The following RGS10 variants were observed in gnomAD, a reference collection of about 807,000 sequenced individuals.
RGS10 encodes regulator of G protein signaling 10.
RGS10 carries 11 observed loss-of-function variants against 23.5 expected under a neutral mutation model. The observed-to-expected ratio is 0.47, with a 90% CI of 0.29 to 0.77. RGS10 has a LOEUF of 0.77. Ranked by LOEUF, RGS10 falls within the 30% of genes least tolerant of loss-of-function variation. RGS10 has a pLI of 0.08. For missense variants in RGS10, 180 were observed against 226.3 expected, an observed-to-expected ratio of 0.80 and a Z score of 1.31; for synonymous variants, 77 against 83.2, an observed-to-expected ratio of 0.92 and a Z score of 0.41.
intron 3 of RGS10, among the ~76,000 whole-genome samples, chr10:119,522,299 A>G (rs2133954313): frequency 6.6e-6 from 1 of 152,238 alleles, no homozygotes; most frequent in East Asian, 1.9e-4. Flanking sequence ...CGAGAGTGGG[A>G]TTTGTATCGA....
At chr10:119,500,607 C>T (rs1843941617) in intron 4 of RGS10, among the ~76,000 whole-genome samples, 1 of 151,600 alleles carries the variant, frequency 6.6e-6, no homozygotes, top group South Asian at 2.1e-4. Context: ...TGTATTTCTC[C>T]AAGAGCTTGA....
chr10:119,509,415 C>T (rs1391941520), intron 4 of RGS10, among the ~76,000 whole-genome samples: 2 of 151,652 alleles, frequency 1.3e-5, no homozygotes, highest in African/African-American at 4.8e-5. Flanking sequence ...ATAGTGAGAC[C>T]CCATCTTTAC....
chr10:119,522,374 T>A (rs1023384293), intron 3 of RGS10, among the ~76,000 whole-genome samples: 1 of 152,154 alleles, frequency 6.6e-6, no homozygotes, highest in Non-Finnish European at 1.5e-5. Context: ...CTGGAACAGA[T>A]GTGATAAGTT....
At position 119,524,045 on chromosome 10, in the gene RGS10, T is replaced by G. The variant is rs959805831; in HGVS notation, c.255+1987A>C. Among the ~76,000 whole-genome samples, 4 of 152,088 alleles carry G rather than the reference T, an allele frequency of 2.6e-5. No individual in the cohort carries two copies. The highest frequency in any genetic ancestry group is 9.7e-5 in the African/African-American group (4 of 41,402). On this transcript the variant is annotated intron_variant, in intron 3 of 4. Coordinates refer to ENST00000369103, the MANE Select transcript of RGS10 (RefSeq NM_001005339.2). This position sits in a 1 kb window ranked among gnomAD's most constrained non-coding sequence, Gnocchi z 5.2. ...CCTGCTCCCGGGAACCCCCTCCCAA[T>G]CTCAATGCCAAGTCTCAGCTAAAAA...
intron 1 of RGS10, among the ~76,000 whole-genome samples, chr10:119,540,389 T>G (rs554340971): frequency 6.6e-6 from 1 of 152,314 alleles, no homozygotes; most frequent in Non-Finnish European, 1.5e-5. Context: ...GAGCTGGGAC[T>G]ACAGGCACGC....
At chr10:119,513,943 CACTT>C (rs1377122153) in intron 4 of RGS10, among the ~76,000 whole-genome samples, 3 of 152,186 alleles carry the variant, frequency 2.0e-5, no homozygotes, top group African/African-American at 7.2e-5. Context: ...CTAAAAAAAA[CACTT>C]AATCTCTCTG....
At position 119,526,080 on chromosome 10, in the gene RGS10, C is replaced by T. The variant is rs758553645; in HGVS notation, c.207G>A (p.Leu69=). The T allele has an allele frequency of 2.3e-5, 37 of 1,581,234 alleles. No individual in the cohort carries two copies. The highest frequency in any genetic ancestry group is 2.9e-5 in the Non-Finnish European group (34 of 1,162,296). The change falls in exon 3 of 5, where the codon TTG becomes TTA. Residue 69 remains leucine, a synonymous_variant. Transcript: ENST00000369103. ...TAAAATCTTCACATGCTAGCCAAAA[C>T]AAAACATTTTCTTCACTGAATTCCT... The part of the protein sequence containing the change: ...LKKEFSEENV[L]FWLACEDFKK...
rs1472215707 is a variant in RGS10 at position 119,526,170 on chromosome 10, TAAAAC to T, written c.169-57_169-53del. Reference sequence around the variant, plus strand: ...ACAGTATTCTACTTTAAAAAAAAAATAAAACAAATGGCATTTCCCTTCAAAGACTG... The same window carrying T: ...ACAGTATTCTACTTTAAAAAAAAAATAAATGGCATTTCCCTTCAAAGACTG... On this transcript the variant is annotated intron_variant, in intron 2 of 4. Coordinates refer to ENST00000369103, the MANE Select transcript of RGS10 (RefSeq NM_001005339.2). 5.2e-6 allele frequency: 5 copies of T among 959,570 alleles called. No homozygotes were observed. In the African/African-American group the frequency reaches 6.7e-5, roughly 13 times the overall value. The allele number at this position is 959,570 out of a possible 1,614,324, so 59.4% of individuals were successfully genotyped here.
chr10:119,502,651 C>T (rs1414215551), intron 4 of RGS10, among the ~76,000 whole-genome samples: 2 of 152,042 alleles, frequency 1.3e-5, no homozygotes, highest in Non-Finnish European at 2.9e-5. Flanking sequence ...GGGGCTGCAC[C>T]GGGCTGGCAG....
rs1377808271 is a variant in RGS10 at position 119,537,378 on chromosome 10, G to A, written c.49+5212C>T. Reference sequence around the variant, plus strand: ...GCGTGGGCAACAAGAGTGAAACTCCGTCTCAAAAAAAAAAAAAAGAAAAAG... The same window carrying A: ...GCGTGGGCAACAAGAGTGAAACTCCATCTCAAAAAAAAAAAAAAGAAAAAG... On this transcript the variant is annotated intron_variant, in intron 1 of 4. Coordinates refer to ENST00000369103, the MANE Select transcript of RGS10 (RefSeq NM_001005339.2). Among the ~76,000 whole-genome samples, 23 of 64,378 alleles carry A rather than the reference G, an allele frequency of 3.6e-4. 1 individual carries two copies. The highest frequency in any genetic ancestry group is 8.7e-4 in the African/African-American group (17 of 19,650). 42.2% of individuals were successfully genotyped at this position (64,378 alleles called of 152,430 possible).
intron 1 of RGS10, among the ~76,000 whole-genome samples, chr10:119,529,613 A>G (rs946185198): frequency 3.3e-5 from 5 of 152,178 alleles, no homozygotes; most frequent in African/African-American, 1.2e-4. Flanking sequence ...CTAGCAGCAC[A>G]CTTGGGACAC....
chr10:119,532,885 C>T (rs1844345600), intron 1 of RGS10, among the ~76,000 whole-genome samples: 1 of 151,122 alleles, frequency 6.6e-6, no homozygotes, highest in Non-Finnish European at 1.5e-5. Context: ...AAAAAAACCA[C>T]AAAAATTAGC....
At chr10:119,526,142 C>T in intron 2 of RGS10, 24 bp from the exon 3 acceptor site, 1 of 1,233,324 alleles carries the variant, frequency 8.1e-7, no homozygotes, top group Non-Finnish European at 1.2e-6. Context: ...GAAAAAGAGT[C>T]ACACAGTATT....
At chr10:119,505,322 CTTTT>C (rs11317053) in intron 4 of RGS10, among the ~76,000 whole-genome samples, 14 of 90,060 alleles carry the variant, frequency 1.6e-4, no homozygotes, top group East Asian at 3.5e-4. Flanking sequence ...CATTCTGCAT[CTTTT>C]TTTTTTTTTT....
Position 119,527,503 on chromosome 10 carries a change from T to A in RGS10, c.50-79A>T. The A allele has an allele frequency of 9.0e-7, 1 of 1,111,040 alleles. No individual in the cohort carries two copies. The highest frequency in any genetic ancestry group is 1.4e-6 in the Non-Finnish European group (1 of 727,692). The allele number at this position is 1,111,040 out of a possible 1,614,324, so 68.8% of individuals were successfully genotyped here. A position where few individuals can be genotyped will look rare whatever the true frequency, so the allele number is the denominator to read the frequency against. The stretch of plus-strand genomic sequence containing the variant: ...GAAATCTGCATGCAATGGTCAGCAC[T>A]GCCGTCACCATCACGGCTGACATAC... On this transcript the variant is annotated intron_variant, in intron 1 of 4. Transcript: ENST00000369103. This position sits in a 1 kb window ranked among gnomAD's most constrained non-coding sequence, Gnocchi z 4.2.
chr10:119,520,107 C>A (rs920879109), intron 3 of RGS10, among the ~76,000 whole-genome samples: 1 of 152,226 alleles, frequency 6.6e-6, no homozygotes, highest in Non-Finnish European at 1.5e-5. Flanking sequence ...CTCTCCACCC[C>A]GTCTTCTTCC....
rs1844427039 is a variant in RGS10 at position 119,540,636 on chromosome 10, T to G, written c.49+1954A>C. 2.0e-5 allele frequency among the ~76,000 whole-genome samples: 3 copies of G among 152,342 alleles called. No homozygotes were observed. The South Asian group carries it at 6.2e-4, about 32-fold the overall frequency. ...CCTGAAATAATTTGTTCCCTAAAAC[T>G]GCCTTCAGCCTTTTTGGGGTGCAAC... On this transcript the variant is annotated intron_variant, in intron 1 of 4. Coordinates refer to ENST00000369103, the MANE Select transcript of RGS10 (RefSeq NM_001005339.2).
At chr10:119,506,286 T>C (rs1007197845) in intron 4 of RGS10, among the ~76,000 whole-genome samples, 27 of 152,234 alleles carry the variant, frequency 1.8e-4, no homozygotes, top group African/African-American at 6.3e-4. Flanking sequence ...AGACAGCAGA[T>C]GAGCAGACGA....
intron 1 of RGS10, among the ~76,000 whole-genome samples, chr10:119,532,060 A>G (rs1445549040): frequency 6.6e-6 from 1 of 152,142 alleles, no homozygotes; most frequent in Non-Finnish European, 1.5e-5. Context: ...CCATAAGTGG[A>G]ATAGAAGATC....
Sources: gnomAD v4.1 joint callset for allele counts (sites outside exome capture counted in the v4.1 genomes callset) on GRCh38, gnomAD v4.1.1 for gene constraint, Gnocchi (gnomAD v3.1) non-coding constraint, MANE v1.5 for transcripts, NCBI Gene and HGNC (gene_info 2026-07-23, HGNC 2026-07-21) for gene names.